Variants in ABCB9 observed in about 807,000 individuals in gnomAD.
ABCB9 encodes ABC-type oligopeptide transporter ABCB9.
ABCB9 carries 36 observed loss-of-function variants against 62.0 expected under a neutral mutation model. That is an observed-to-expected ratio of 0.58 (90% CI 0.45 to 0.77). The LOEUF is 0.77. Among genes scored for constraint, ABCB9 ranks in the 30% least tolerant of loss-of-function variants. The probability of loss-of-function intolerance (pLI) is 0.00; values close to 1 mark genes in which losing one functional copy is unlikely to be tolerated. For synonymous variants in ABCB9, 435 were observed against 461.4 expected, an observed-to-expected ratio of 0.94 and a Z score of 0.73; for missense variants, 943 against 1,054.7, an observed-to-expected ratio of 0.89 and a Z score of 1.47.
downstream of ABCB9, chr12:122,928,940 T>C (rs186799115): frequency 3.2e-5 from 30 of 946,182 alleles, no homozygotes; most frequent in African/African-American, 5.0e-4. Flanking sequence ...CGTGGTCTGG[T>C]GGAAAAACCT....
downstream of ABCB9, among the ~76,000 whole-genome samples, chr12:122,926,892 C>A (rs1056119556): frequency 4.6e-5 from 7 of 152,132 alleles, no homozygotes; most frequent in Non-Finnish European, 5.9e-5. Context: ...AGAGCAAGAA[C>A]CTGTCTCTAA....
At chr12:122,973,595 A>G (rs913255536) in intron 1 of ABCB9, among the ~76,000 whole-genome samples, 6 of 144,116 alleles carry the variant, frequency 4.2e-5, no homozygotes, top group Non-Finnish European at 7.6e-5. Context: ...AAAAAAAAAA[A>G]AAAAAAAAAA....
Position 122,973,096 on chromosome 12 carries a change from T to A in ABCB9, c.-88+1619A>T, listed in dbSNP as rs180674132. 11 of 152,356 alleles carry A rather than the reference T, an allele frequency of 7.2e-5. No individual in the cohort carries two copies. In the East Asian group the frequency reaches 1.7e-3, roughly 24 times the overall value. 9.4% of individuals were successfully genotyped at this position (152,356 alleles called of 1,614,324 possible). Reference sequence around the variant, plus strand: ...GCGCTGGCTGGCAGCACATGTTGATTCAGTACTTGCTGGTAAATATTCTTC... The same window carrying A: ...GCGCTGGCTGGCAGCACATGTTGATACAGTACTTGCTGGTAAATATTCTTC... On this transcript the variant is annotated intron_variant, in intron 1 of 11. Coordinates refer to the ABCB9 transcript ENST00000392439.
intron 1 of ABCB9, among the ~76,000 whole-genome samples, chr12:122,973,615 ACTTTGGG>A (rs2037321909): frequency 7.3e-6 from 1 of 136,700 alleles, no homozygotes; most frequent in Non-Finnish European, 1.5e-5. Flanking sequence ...AAAAACAAAA[ACTTTGGG>A]AGGCCGAGGC....
chr12:122,941,132 C>T, intron 7 of ABCB9, 137 bp from the exon 8 acceptor site: 3 of 859,898 alleles, frequency 3.5e-6, no homozygotes, highest in Non-Finnish European at 5.2e-6. Context: ...TGACCACCCA[C>T]TGGTGCATTA....
At chr12:122,928,207 C>T (rs546587631), downstream of ABCB9, among the ~76,000 whole-genome samples, 6 of 152,276 alleles carry the variant, frequency 3.9e-5, no homozygotes, top group Admixed American at 2.6e-4. Flanking sequence ...CGGTGGCTCA[C>T]GCCTATAATC....
intron 1 of ABCB9, among the ~76,000 whole-genome samples, chr12:122,973,578 G>C (rs992799315): frequency 2.0e-5 from 1 of 50,336 alleles, no homozygotes; most frequent in African/African-American, 7.2e-5. Context: ...CTCAAAAAAA[G>C]AAAAAAAAAA....
chr12:122,951,124 AG>A (rs886563427), intron 2 of ABCB9: 11 of 150,914 alleles, frequency 7.3e-5, no homozygotes, highest in Non-Finnish European at 1.5e-4. Context: ...CTGGGATTAT[AG>A]GTATGAGCCA....
downstream of ABCB9, among the ~76,000 whole-genome samples, chr12:122,919,762 C>T (rs1405002919): frequency 6.6e-6 from 1 of 152,096 alleles, no homozygotes; most frequent in African/African-American, 2.4e-5. Flanking sequence ...TCAATAAATG[C>T]TTACTGAATG....
chr12:122,933,007 C>T (rs2035269156), intron 10 of ABCB9, among the ~76,000 whole-genome samples: 1 of 152,202 alleles, frequency 6.6e-6, no homozygotes, highest in African/African-American at 2.4e-5. Flanking sequence ...CCTCCAGCCT[C>T]AGCCTTCTGA....
intron 10 of ABCB9, among the ~76,000 whole-genome samples, chr12:122,933,380 C>T (rs1160636757): frequency 6.6e-6 from 1 of 152,146 alleles, no homozygotes; most frequent in East Asian, 1.9e-4. Context: ...TGGTGAAACC[C>T]TGTCTCTACT....
downstream of ABCB9, chr12:122,924,498 G>A: frequency 1.2e-6 from 1 of 827,252 alleles, no homozygotes; most frequent in Non-Finnish European, 1.6e-6. Flanking sequence ...CCGAGTAGCT[G>A]GAATTACAGA....
In ABCB9 at chr12:122,959,954, G is replaced by A. The variant is rs368774780; in HGVS notation, c.282C>T (p.Gly94=). Residue 94 remains glycine, a synonymous_variant, in exon 2 of 12, where the codon GGC becomes GGT. Coordinates refer to ENST00000280560, the MANE Select transcript of ABCB9 (RefSeq NM_019625.4). This position sits in a 1 kb window ranked among gnomAD's most constrained non-coding sequence, Gnocchi z 5.4. ...LVITLVCLFV[G]IYAMVKLLLF... is the part of the protein sequence containing the mutation. Reference sequence around the variant, plus strand: ...GCAGCAGCTTCACCATGGCATAGATGCCCACGAAGAGGCACACGAGGGTGA... The same window carrying A: ...GCAGCAGCTTCACCATGGCATAGATACCCACGAAGAGGCACACGAGGGTGA... The A allele has an allele frequency of 9.9e-6, 16 of 1,613,162 alleles. No homozygotes were observed. The highest frequency in any genetic ancestry group is 5.3e-5 in the African/African-American group (4 of 74,948).
chr12:122,959,470 C>T lies in ABCB9; in HGVS notation c.601+165G>A, dbSNP rs1482485270. Among the ~76,000 whole-genome samples the T allele has an allele frequency of 6.6e-6, 1 of 152,202 alleles. No homozygotes were observed. Among genetic ancestry groups the T allele is most frequent in the African/African-American group, 2.4e-5 (1 of 41,458 alleles). ...AAGTGATCTTCCTACCTCAGCCTCCCAAAGTGCTGGGATTATAGATATGAG... is the reference window on the plus strand; with the variant it reads ...AAGTGATCTTCCTACCTCAGCCTCCTAAAGTGCTGGGATTATAGATATGAG... On this transcript the variant is annotated intron_variant, in intron 2 of 11. Transcript: ENST00000280560. The surrounding 1 kb of genome is among the most constrained non-coding windows in gnomAD (Gnocchi z 5.4).
intron 1 of ABCB9, among the ~76,000 whole-genome samples, chr12:122,960,595 A>G (rs2036840542): frequency 6.6e-6 from 1 of 151,820 alleles, no homozygotes; most frequent in Admixed American, 6.6e-5. Flanking sequence ...CAGGAGACAG[A>G]TAATAAGGAA....
chr12:122,921,473 C>G (rs2034745332), intron 11 of ABCB9, among the ~76,000 whole-genome samples: 1 of 151,566 alleles, frequency 6.6e-6, no homozygotes, highest in Admixed American at 6.6e-5. Context: ...TGTATTTTAC[C>G]ACAATTTAAA....
At position 122,960,128 on chromosome 12, in the gene ABCB9, C is replaced by A; in HGVS notation, c.108G>T (p.Glu36Asp). The change falls in exon 2 of 12, where the codon GAG (glutamate) becomes GAT (aspartate). Residue 36 changes from glutamate (E) to aspartate (D), a missense_variant. Transcript: ENST00000280560. ...VFSHLDRSLL[E>D]DIRHFNIFDS... Reference sequence around the variant, plus strand: ...CAAAGATGTTGAAGTGGCGGATGTCCTCCAGGAGGCTGCGGTCCAGGTGGC... The same window carrying A: ...CAAAGATGTTGAAGTGGCGGATGTCATCCAGGAGGCTGCGGTCCAGGTGGC... The A allele has an allele frequency of 6.2e-7, 1 of 1,613,730 alleles. No individual in the cohort carries two copies. Among genetic ancestry groups the A allele is most frequent in the Non-Finnish European group, 8.5e-7 (1 of 1,180,042 alleles).
chr12:122,959,547 C>T lies in ABCB9; in HGVS notation c.601+88G>A, dbSNP rs539998062. The T allele has an allele frequency of 3.3e-5, 50 of 1,502,466 alleles. No homozygotes were observed. The South Asian group carries it at 5.6e-4, about 17-fold the overall frequency. The allele number at this position is 1,502,466 out of a possible 1,614,324, so 93.1% of individuals were successfully genotyped here. A position where few individuals can be genotyped will look rare whatever the true frequency, so the allele number is the denominator to read the frequency against. ...TCATATCAATTTGATGTCTGAACCACGTAAGTAAAATCTTTTAAAATCTAA... is the reference window on the plus strand; with the variant it reads ...TCATATCAATTTGATGTCTGAACCATGTAAGTAAAATCTTTTAAAATCTAA... On this transcript the variant is annotated intron_variant, in intron 2 of 11. Coordinates refer to ENST00000280560, the MANE Select transcript of ABCB9 (RefSeq NM_019625.4). The surrounding 1 kb of genome is among the most constrained non-coding windows in gnomAD (Gnocchi z 5.4).
chr12:122,921,141 G>A (rs1038247321), intron 11 of ABCB9: 11 of 1,222,998 alleles, frequency 9.0e-6, no homozygotes, highest in Admixed American at 4.1e-5. Context: ...TTGGCTGGGC[G>A]TGATGGGGCA....
Sources: gnomAD v4.1 joint callset for allele counts (sites outside exome capture counted in the v4.1 genomes callset) on GRCh38, gnomAD v4.1.1 for gene constraint, Gnocchi (gnomAD v3.1) non-coding constraint, MANE v1.5 for transcripts, NCBI Gene and HGNC (gene_info 2026-07-23, HGNC 2026-07-21) for gene names.